CSMD3: variants seen among roughly 807,000 people sequenced by gnomAD.
CSMD3 encodes CUB and Sushi multiple domains 3.
Under a neutral mutation model 435.2 loss-of-function variants are expected in CSMD3, and 177 were observed. The observed-to-expected ratio is 0.41, with a 90% confidence interval of 0.36 to 0.46. The LOEUF is 0.46. Among genes scored for constraint, CSMD3 ranks in the 20% least tolerant of loss-of-function variants. The pLI is 0.34. For synonymous variants in CSMD3, 1,656 were observed against 1,520.5 expected (o/e 1.09, Z -2.07); for missense variants, 4,265 against 4,504.6 (o/e 0.95, Z 1.52).
At chr8:112,331,653 A>C (rs186086148) in intron 45 of CSMD3, among the ~76,000 whole-genome samples, 4 of 152,142 alleles carry the variant, frequency 2.6e-5, no homozygotes, top group Admixed American at 2.6e-4. Context: ...ATACACAAAA[A>C]TATTGAACTG....
At chr8:113,059,142 C>T (rs1564265421) in intron 5 of CSMD3, among the ~76,000 whole-genome samples, 1 of 152,054 alleles carries the variant, frequency 6.6e-6, no homozygotes, top group East Asian at 1.9e-4. Context: ...TAGAAACTGA[C>T]AGTAAAAACG....
At chr8:112,491,723 ATT>A (rs1820718561) in intron 31 of CSMD3, among the ~76,000 whole-genome samples, 1 of 152,076 alleles carries the variant, frequency 6.6e-6, no homozygotes, top group African/African-American at 2.4e-5. Context: ...TTAACTTTTA[ATT>A]TAATTTTATT....
At chr8:112,973,051 T>C (rs976279976) in intron 7 of CSMD3, among the ~76,000 whole-genome samples, 2 of 151,878 alleles carry the variant, frequency 1.3e-5, no homozygotes, top group African/African-American at 4.8e-5. Context: ...TTTTGCAAAA[T>C]AATAGAGTGA....
chr8:112,982,870 TAAGTA>T (rs1316276030), intron 6 of CSMD3, among the ~76,000 whole-genome samples: 2 of 151,934 alleles, frequency 1.3e-5, no homozygotes, highest in African/African-American at 4.8e-5. Flanking sequence ...GATATAAACA[TAAGTA>T]AAGAATTGGA....
chr8:112,836,525 T>C (rs2080029079), intron 11 of CSMD3, among the ~76,000 whole-genome samples: 1 of 151,870 alleles, frequency 6.6e-6, no homozygotes, highest in African/African-American at 2.4e-5. Context: ...TGGAAGATGA[T>C]TAGCAATTTG....
chr8:112,248,067 A>T (rs987535438), intron 63 of CSMD3, among the ~76,000 whole-genome samples: 4 of 152,084 alleles, frequency 2.6e-5, no homozygotes, highest in Admixed American at 1.3e-4. Context: ...TCACCAGAGT[A>T]ATGTACATGT....
chr8:112,687,538 A>T (rs552674298), intron 14 of CSMD3, among the ~76,000 whole-genome samples: 1 of 152,234 alleles, frequency 6.6e-6, no homozygotes, highest in East Asian at 1.9e-4. Flanking sequence ...CATTATACCA[A>T]TATCTATTTA....
intron 7 of CSMD3, among the ~76,000 whole-genome samples, chr8:112,968,847 T>G (rs964989959): frequency 6.6e-6 from 1 of 152,004 alleles, no homozygotes; most frequent in Non-Finnish European, 1.5e-5. Context: ...AAAATATATT[T>G]ACATGACTAC....
At chr8:113,400,829 G>T (rs2094506640) in intron 1 of CSMD3, among the ~76,000 whole-genome samples, 3 of 151,920 alleles carry the variant, frequency 2.0e-5, no homozygotes, top group African/African-American at 7.2e-5. Context: ...CAATTACTTT[G>T]TATATCCTGA....
chr8:113,058,097 T>TATGGAAATATTTTA (rs2088430948), intron 5 of CSMD3, among the ~76,000 whole-genome samples: 1 of 151,936 alleles, frequency 6.6e-6, no homozygotes, highest in African/African-American at 2.4e-5. Context: ...AATATGTTTA[T>TATGGAAATATTTTA]ATGGAAATAT....
intron 22 of CSMD3, among the ~76,000 whole-genome samples, chr8:112,632,138 A>G (rs75994127): frequency 0.051 from 7,796 of 152,060 alleles, 259 homozygotes; most frequent in African/African-American, 0.099. Flanking sequence ...TTGAATTTTT[A>G]ATACATTTTC....
chr8:113,401,683 A>G (rs116647024), intron 1 of CSMD3, among the ~76,000 whole-genome samples: 1 of 151,698 alleles, frequency 6.6e-6, no homozygotes, highest in Non-Finnish European at 1.5e-5. Flanking sequence ...TAACATAGAC[A>G]GCATTTTAAA....
intron 11 of CSMD3, among the ~76,000 whole-genome samples, chr8:112,847,446 C>T (rs1345331502): frequency 6.6e-6 from 1 of 152,122 alleles, no homozygotes. Flanking sequence ...ATTTACACTG[C>T]ATGAGATCCA....
chr8:112,325,680 T>C lies in CSMD3; in HGVS notation c.7166-5699A>G, dbSNP rs1050183179. ...TACATATATATTACATATAAGTATATATATGAATGAGTATATACGTATGAT... is the reference window on the plus strand; with the variant it reads ...TACATATATATTACATATAAGTATACATATGAATGAGTATATACGTATGAT... On this transcript the variant is annotated intron_variant, in intron 45 of 70. Transcript: ENST00000297405. Among the ~76,000 whole-genome samples the C allele has an allele frequency of 2.0e-5, 3 of 152,154 alleles. No homozygotes were observed. In the East Asian group the frequency reaches 5.8e-4, roughly 29 times the overall value.
rs368886905 is a variant in CSMD3, at chr8:112,603,734, T to C, written c.3716-16499A>G. Among the ~76,000 whole-genome samples, 10 of 152,214 alleles carry C rather than the reference T, an allele frequency of 6.6e-5. No individual in the cohort carries two copies. The East Asian group carries it at 7.7e-4, about 12-fold the overall frequency. ...CTCTTTTTTTATGTTACATGGTTCA[T>C]CTGTGAGTTCTTTCAAATTGTCACA... On this transcript the variant is annotated intron_variant, in intron 22 of 70. Transcript: ENST00000297405.
intron 1 of CSMD3, among the ~76,000 whole-genome samples, chr8:113,373,209 T>C (rs2094358019): frequency 6.6e-6 from 1 of 152,138 alleles, no homozygotes; most frequent in Admixed American, 6.5e-5. Context: ...TCCTATATTC[T>C]GTGCTTTCAT....
intron 5 of CSMD3, among the ~76,000 whole-genome samples, chr8:113,071,838 T>C (rs374134868): frequency 6.6e-6 from 1 of 151,872 alleles, no homozygotes. Flanking sequence ...TTTTTTTCCA[T>C]GTCTGTAATA....
chr8:112,260,016 T>A (rs1365769453), intron 61 of CSMD3, among the ~76,000 whole-genome samples: 1 of 152,214 alleles, frequency 6.6e-6, no homozygotes, highest in Non-Finnish European at 1.5e-5. Context: ...TTTCTATCCG[T>A]GAATTTTCAT....
rs1030987202 is a variant in CSMD3 at position 112,398,363 on chromosome 8, G to T, written c.5810-7575C>A. 1.3e-5 allele frequency among the ~76,000 whole-genome samples: 2 copies of T among 152,120 alleles called. 1 individual carries two copies. The highest frequency in any genetic ancestry group is 4.1e-4 in the South Asian group (2 of 4,834). ...TCTCACAGGTTAGAGTTGCATGCCT[G>T]TGGTTCTCCCTGACTAACATCACAC... On this transcript the variant is annotated intron_variant, in intron 35 of 70. Transcript: ENST00000297405.
Sources: allele counts gnomAD v4.1 joint callset (sites outside exome capture counted in the v4.1 genomes callset), GRCh38; gene constraint gnomAD v4.1.1; transcripts MANE v1.5; gene names NCBI Gene and HGNC (gene_info 2026-07-23, HGNC 2026-07-21).